ADAMTS17: variants seen among roughly 807,000 people sequenced by gnomAD.
ADAMTS17 encodes the protein ADAM metallopeptidase with thrombospondin type 1 motif 17, also known as A disintegrin and metalloproteinase with thrombospondin motifs 17.
In ADAMTS17, 113 loss-of-function variants were observed where a neutral mutation model predicts 141.5. That is an observed-to-expected ratio of 0.80 (90% CI 0.69 to 0.93). The LOEUF (loss-of-function observed/expected upper bound fraction) is 0.93, where lower values mean the gene tolerates loss of function less well. ADAMTS17 is among the 40% of genes least tolerant of loss of function. The pLI is 0.00. For missense variants in ADAMTS17, 1,659 were observed against 1,517.9 expected (o/e 1.09, Z -1.54); for synonymous variants, 768 against 630.6 (o/e 1.22, Z -3.27).
At chr15:100,071,895 G>T (rs1337201608) in intron 15 of ADAMTS17, among the ~76,000 whole-genome samples, 1 of 150,270 alleles carries the variant, frequency 6.7e-6, no homozygotes, top group East Asian at 1.9e-4. Context: ...AGTGTTGGAA[G>T]TTCTGGCCAG....
At chr15:100,131,049 G>A (rs2038013512) in intron 12 of ADAMTS17, among the ~76,000 whole-genome samples, 1 of 152,102 alleles carries the variant, frequency 6.6e-6, no homozygotes, top group South Asian at 2.1e-4. Context: ...AAAAAAGGAT[G>A]GGTTCATGTC....
chr15:100,132,271 C>A, intron 11 of ADAMTS17, 119 bp from the exon 12 acceptor site: 1 of 1,356,888 alleles, frequency 7.4e-7, no homozygotes, highest in Non-Finnish European at 1.0e-6. Flanking sequence ...CATAAAGGTA[C>A]AGTCTATTTC....
chr15:100,010,512 A>G (rs2061142798), intron 18 of ADAMTS17, among the ~76,000 whole-genome samples: 1 of 152,176 alleles, frequency 6.6e-6, no homozygotes, highest in Non-Finnish European at 1.5e-5. Flanking sequence ...GTGTGCTGCG[A>G]GCCTATGGGT....
At chr15:100,231,901 G>C (rs1406126354) in intron 7 of ADAMTS17, among the ~76,000 whole-genome samples, 1 of 152,080 alleles carries the variant, frequency 6.6e-6, no homozygotes, top group Non-Finnish European at 1.5e-5. Flanking sequence ...TTCCTTTTGA[G>C]CCCAATTTAG....
intron 4 of ADAMTS17, among the ~76,000 whole-genome samples, chr15:100,269,879 A>C (rs1223273335): frequency 6.6e-6 from 1 of 152,056 alleles, no homozygotes; most frequent in Non-Finnish European, 1.5e-5. Context: ...TATACCTCCA[A>C]AACTGGGATT....
chr15:100,173,177 G>A (rs973350176), intron 8 of ADAMTS17, among the ~76,000 whole-genome samples: 1 of 152,106 alleles, frequency 6.6e-6, no homozygotes, highest in African/African-American at 2.4e-5. Flanking sequence ...TTCTAAGATA[G>A]TTTAATTATT....
chr15:100,153,501 G>C (rs999701172), intron 9 of ADAMTS17, among the ~76,000 whole-genome samples: 1 of 152,122 alleles, frequency 6.6e-6, no homozygotes. Context: ...AATTAGCCAG[G>C]CATGGTTGTA....
Position 100,233,984 on chromosome 15 carries a change from C to T in ADAMTS17, c.1075+20152G>A, listed in dbSNP as rs367801156. Among the ~76,000 whole-genome samples the T allele has an allele frequency of 6.6e-5, 10 of 152,116 alleles. 1 individual carries two copies. The highest frequency in any genetic ancestry group is 6.5e-4 in the Admixed American group (10 of 15,274). ...TCAGAAGCTGTTAGAAGATTCTGAG[C>T]AGGGAACCCACAGGATCTGGTTTGG... On this transcript the variant is annotated intron_variant, in intron 7 of 21. Coordinates refer to ENST00000268070, the MANE Select transcript of ADAMTS17 (RefSeq NM_139057.4).
chr15:100,074,320 T>G (rs1260443737), intron 15 of ADAMTS17: 1 of 152,210 alleles, frequency 6.6e-6, no homozygotes. Flanking sequence ...TTGAATATAA[T>G]GCGGGCTTAC....
At chr15:100,078,485 C>G (rs1468533724) in intron 15 of ADAMTS17, among the ~76,000 whole-genome samples, 1 of 152,116 alleles carries the variant, frequency 6.6e-6, no homozygotes, top group Admixed American at 6.6e-5. Flanking sequence ...CAGTCTTCAA[C>G]CAACAGTGTT....
chr15:100,101,904 G>T (rs2036124298), intron 14 of ADAMTS17, among the ~76,000 whole-genome samples: 2 of 152,216 alleles, frequency 1.3e-5, no homozygotes, highest in African/African-American at 4.8e-5. Flanking sequence ...AGCGAGTGCA[G>T]ATTTTAGGCC....
In ADAMTS17 at chr15:99,988,722, G is replaced by T. The variant is rs564393973; in HGVS notation, c.2949+4326C>A. Among the ~76,000 whole-genome samples the T allele has an allele frequency of 3.3e-5, 5 of 152,298 alleles. No individual in the cohort carries two copies. In the East Asian group the frequency reaches 9.6e-4, roughly 29 times the overall value. On this transcript the variant is annotated intron_variant, in intron 20 of 21. Transcript: ENST00000268070. ...GTGAAGAGAGGACGGCCAGGCAAAAGGCTCCATCTTACCTGACAGGCATTC... is the reference window on the plus strand; with the variant it reads ...GTGAAGAGAGGACGGCCAGGCAAAATGCTCCATCTTACCTGACAGGCATTC...
intron 8 of ADAMTS17, among the ~76,000 whole-genome samples, chr15:100,171,446 G>GT (rs1283631779): frequency 1.3e-5 from 2 of 152,132 alleles, no homozygotes; most frequent in Non-Finnish European, 2.9e-5. Context: ...TCACAGGTTA[G>GT]GGGGGCCTGA....
intron 18 of ADAMTS17, among the ~76,000 whole-genome samples, chr15:100,012,107 G>C (rs573385974): frequency 2.6e-5 from 4 of 152,092 alleles, no homozygotes; most frequent in African/African-American, 9.7e-5. Flanking sequence ...ATGGGGTATC[G>C]CATTGTGGTT....
intron 3 of ADAMTS17, among the ~76,000 whole-genome samples, chr15:100,291,882 A>T (rs1217880902): frequency 2.0e-5 from 3 of 152,276 alleles, no homozygotes; most frequent in Non-Finnish European, 4.4e-5. Flanking sequence ...AACCCCCACG[A>T]TGCGATTTAT....
At chr15:100,315,868 C>G (rs2045550402) in intron 3 of ADAMTS17, among the ~76,000 whole-genome samples, 2 of 152,248 alleles carry the variant, frequency 1.3e-5, no homozygotes, top group African/African-American at 2.4e-5. Flanking sequence ...GCCCAGAAAG[C>G]AGGGACCACT....
intron 3 of ADAMTS17, among the ~76,000 whole-genome samples, chr15:100,303,401 A>G (rs2411361): frequency 0.019 from 2,858 of 151,622 alleles, 105 homozygotes; most frequent in African/African-American, 0.065. Flanking sequence ...TTCTCCCATC[A>G]TATGAGTTGT....
At chr15:100,284,802 A>T (rs117899012) in intron 3 of ADAMTS17, among the ~76,000 whole-genome samples, 1,701 of 152,348 alleles carry the variant, frequency 0.011, 15 homozygotes, top group Non-Finnish European at 0.017. Flanking sequence ...GATGATAGCA[A>T]CTTCAAAAGT....
At chr15:100,308,313 C>T (rs1229622559) in intron 3 of ADAMTS17, among the ~76,000 whole-genome samples, 3 of 152,180 alleles carry the variant, frequency 2.0e-5, no homozygotes, top group Admixed American at 1.3e-4. Context: ...AGGCTGCTAG[C>T]GGCTGCTTGC....
Sources: gnomAD v4.1 joint callset for allele counts (sites outside exome capture counted in the v4.1 genomes callset) on GRCh38, gnomAD v4.1.1 for gene constraint, MANE v1.5 for transcripts, NCBI Gene and HGNC (gene_info 2026-07-23, HGNC 2026-07-21) for gene names.